RANBP2: variants seen among roughly 807,000 people sequenced by gnomAD.
RANBP2 encodes the protein RAN binding protein 2.
A neutral mutation model predicts 303.6 loss-of-function variants in RANBP2; 57 were observed. The observed-to-expected ratio is 0.19, with a 90% CI of 0.15 to 0.23. The LOEUF is 0.23. RANBP2 is among the 10% of genes least tolerant of loss of function. The probability of loss-of-function intolerance (pLI) is 1.00; values close to 1 mark genes in which losing one functional copy is unlikely to be tolerated. For synonymous variants in RANBP2, 1,167 were observed against 1,301.5 expected (o/e 0.90, Z 2.23); for missense variants, 3,138 against 3,780.8 (o/e 0.83, Z 4.46).
At chr2:108,982,714 A>G in the RANBP2 span, among the ~76,000 whole-genome samples, 1 of 152,230 alleles carries the variant, frequency 6.6e-6, no homozygotes, top group East Asian at 1.9e-4. Flanking sequence ...AATTCTAGAG[A>G]AAGTTTGGTC....
At chr2:109,335,458 G>A in the RANBP2 span, among the ~76,000 whole-genome samples, 1 of 152,078 alleles carries the variant, frequency 6.6e-6, no homozygotes. Context: ...GCCCCTCAGG[G>A]CTGGGACATG....
the RANBP2 span, among the ~76,000 whole-genome samples, chr2:109,437,689 T>C: frequency 6.6e-6 from 1 of 150,790 alleles, no homozygotes. Context: ...ATGACAGCTG[T>C]TGATCCTTCG....
chr2:109,507,806 G>T, the RANBP2 span, among the ~76,000 whole-genome samples: 1 of 152,220 alleles, frequency 6.6e-6, no homozygotes, highest in African/African-American at 2.4e-5. Context: ...CTGAAAAGCT[G>T]AGGGCAGACA....
At chr2:109,599,219 A>G in the RANBP2 span, among the ~76,000 whole-genome samples, 22 of 152,244 alleles carry the variant, frequency 1.4e-4, no homozygotes, top group Middle Eastern at 6.8e-3. Context: ...GCACTCTGGG[A>G]GGCCAAGACC....
the RANBP2 span, among the ~76,000 whole-genome samples, chr2:109,414,083 G>T: frequency 6.6e-6 from 1 of 152,176 alleles, no homozygotes; most frequent in African/African-American, 2.4e-5. Flanking sequence ...GTCTCCTTCT[G>T]TTTATTGGGC....
At chr2:109,400,549 G>T in the RANBP2 span, among the ~76,000 whole-genome samples, 1 of 148,392 alleles carries the variant, frequency 6.7e-6, no homozygotes, top group Non-Finnish European at 1.5e-5. Flanking sequence ...GCACACACAC[G>T]TACGTATACA....
At position 108,766,203 on chromosome 2, in the gene RANBP2, A is replaced by G; in HGVS notation, c.5664A>G (p.Gly1888=). 6.2e-7 allele frequency: 1 copy of G among 1,612,154 alleles called. No individual in the cohort carries two copies. The highest frequency in any genetic ancestry group is 8.5e-7 in the Non-Finnish European group (1 of 1,179,980). The change falls in exon 20 of 29, where the codon GGA becomes GGG. Residue 1888 remains glycine (G), a synonymous_variant. Coordinates refer to ENST00000283195, the MANE Select transcript of RANBP2 (RefSeq NM_006267.5). ...CAGAATTTAAGTCAACCAAAGAAGGATTTTCCATCCCTGTGTCTGCTGATG... is the reference window on the plus strand; with the variant it reads ...CAGAATTTAAGTCAACCAAAGAAGGGTTTTCCATCCCTGTGTCTGCTGATG... ...SNTEFKSTKE[G]FSIPVSADGF... is the part of the protein sequence containing the mutation.
At chr2:108,789,154 A>G (rs186535179), downstream of RANBP2, among the ~76,000 whole-genome samples, 4 of 152,384 alleles carry the variant, frequency 2.6e-5, no homozygotes, top group East Asian at 7.7e-4. Context: ...TCTCTGTAAT[A>G]AAAGCATAGA....
chr2:109,590,218 G>A, the RANBP2 span, among the ~76,000 whole-genome samples: 4 of 151,808 alleles, frequency 2.6e-5, no homozygotes, highest in African/African-American at 7.3e-5. Context: ...AGAAGAAATC[G>A]CTTTTTATTG....
At chr2:108,856,705 A>G in the RANBP2 span, 1 of 1,220,438 alleles carries the variant, frequency 8.2e-7, no homozygotes, top group Non-Finnish European at 1.2e-6. Flanking sequence ...TGAGTTTGTT[A>G]AAGTAACGAC....
At chr2:109,138,985 A>G in the RANBP2 span, among the ~76,000 whole-genome samples, 83,830 of 152,030 alleles carry the variant, frequency 0.55, 23,710 homozygotes, top group South Asian at 0.65. Flanking sequence ...AATAAGAGAC[A>G]TGAAGACAAG....
chr2:108,763,444 A>G lies in RANBP2; in HGVS notation c.2905A>G (p.Thr969Ala). ...TTACTTTAATTACAATGTTCAACAG[A>G]CAAGCACAAATCCACCTTTGCCAGA... ...DDYFNYNVQQ[T>A]STNPPLPEPG... is the part of the protein sequence containing the mutation. The change falls in exon 20 of 29, where the codon ACA (threonine) becomes GCA (alanine). Residue 969 changes from threonine (T) to alanine (A), a missense_variant. Thr to Ala is a moderately conservative substitution (Grantham distance 58). This residue lies in a region of RANBP2 where 403 missense variants were observed against 376.7 expected (regional missense o/e 1.07). Coordinates refer to ENST00000283195, the MANE Select transcript of RANBP2 (RefSeq NM_006267.5). The G allele has an allele frequency of 6.2e-7, 1 of 1,614,084 alleles. No homozygotes were observed. The highest frequency in any genetic ancestry group is 1.1e-5 in the South Asian group (1 of 91,090).
chr2:109,003,195 GTCTC>G, the RANBP2 span, among the ~76,000 whole-genome samples: 1 of 104,926 alleles, frequency 9.5e-6, no homozygotes, highest in Non-Finnish European at 1.7e-5. Flanking sequence ...GACAAAGTGA[GTCTC>G]CCTCTCAAAA....
At chr2:109,268,131 C>T in the RANBP2 span, among the ~76,000 whole-genome samples, 1 of 152,122 alleles carries the variant, frequency 6.6e-6, no homozygotes, top group East Asian at 2.0e-4. Context: ...CTCCACTCAC[C>T]TCCTTTGGTC....
At chr2:109,016,194 G>A in the RANBP2 span, among the ~76,000 whole-genome samples, 1 of 152,086 alleles carries the variant, frequency 6.6e-6, no homozygotes, top group African/African-American at 2.4e-5. Context: ...CCATTCTCCT[G>A]CCTCAGCCTC....
the RANBP2 span, among the ~76,000 whole-genome samples, chr2:108,850,682 A>C: frequency 9.6e-4 from 146 of 152,044 alleles, no homozygotes; most frequent in African/African-American, 3.3e-3. Context: ...CGAACTCCTG[A>C]CCTCATGATC....
At chr2:108,768,606 C>A (rs1026824420) in intron 20 of RANBP2, among the ~76,000 whole-genome samples, 10 of 152,144 alleles carry the variant, frequency 6.6e-5, no homozygotes, top group African/African-American at 2.4e-4. Flanking sequence ...CTGGAAGATA[C>A]TTTTATCATG....
At chr2:109,118,055 T>C in the RANBP2 span, among the ~76,000 whole-genome samples, 3 of 152,218 alleles carry the variant, frequency 2.0e-5, no homozygotes, top group Non-Finnish European at 4.4e-5. Context: ...TAATGGCGTC[T>C]GGTGAAGATC....
At chr2:108,937,406 G>A in the RANBP2 span, among the ~76,000 whole-genome samples, 1 of 152,122 alleles carries the variant, frequency 6.6e-6, no homozygotes, top group Non-Finnish European at 1.5e-5. Flanking sequence ...ATGTGTATCT[G>A]TGAGCACCTA....
Sources: allele counts gnomAD v4.1 joint callset (sites outside exome capture counted in the v4.1 genomes callset), GRCh38; gene constraint gnomAD v4.1.1; regional missense constraint gnomAD v4.1.1; transcripts MANE v1.5; gene names NCBI Gene and HGNC (gene_info 2026-07-23, HGNC 2026-07-21).